LRCH2: variants seen among roughly 807,000 people sequenced by gnomAD.
LRCH2 encodes leucine-rich repeat and calponin homology domain-containing protein 2.
LRCH2 carries 38 observed loss-of-function variants against 68.9 expected under a neutral mutation model. The ratio of observed to expected loss-of-function variants is 0.55; its 90% CI spans 0.43 to 0.72. The LOEUF (loss-of-function observed/expected upper bound fraction) is 0.72. LRCH2 is among the 30% of genes least tolerant of loss of function. LRCH2 has a pLI of 0.00. For synonymous variants in LRCH2, 191 were observed against 208.1 expected, an observed-to-expected ratio of 0.92 and a Z score of 0.71; for missense variants, 528 against 572.9, an observed-to-expected ratio of 0.92 and a Z score of 0.80.
Position 115,122,418 on chromosome X carries a change from A to T in LRCH2, c.2178+109T>A, listed in dbSNP as rs183771631. On this transcript the variant is annotated intron_variant, in intron 20 of 20. Coordinates refer to ENST00000317135, the MANE Select transcript of LRCH2 (RefSeq NM_020871.4). ...TTAGGAGAAGGTACCAAGAGAAGGC[A>T]TTCATTTTCATGTTCAGAAAGCATT... 6.8e-4 allele frequency: 397 copies of T among 579,907 alleles called. 2 individuals carry two copies. In the East Asian group the frequency reaches 0.014, roughly 20 times the overall value. 47.8% of individuals were successfully genotyped at this position (579,907 alleles called of 1,213,427 possible).
At chrX:115,118,970 C>T (rs781814359) in intron 20 of LRCH2, among the ~76,000 whole-genome samples, 2 of 111,451 alleles carry the variant, frequency 1.8e-5, no homozygotes, top group African/African-American at 6.5e-5. Context: ...ATTCAACAAC[C>T]CTTCATGCTA....
chrX:115,180,527 C>CA lies in LRCH2; in HGVS notation c.622-777dup, dbSNP rs782293260. On this transcript the variant is annotated intron_variant, in intron 3 of 20. Transcript: ENST00000317135. ...CTCTTTCTTATAATAACATCAACAA[C>CA]AAAAAAAAGAGAAATCTACAACATG... is the stretch of plus-strand genomic sequence containing the variant. Among the ~76,000 whole-genome samples the CA allele has an allele frequency of 1.1e-4, 12 of 110,172 alleles. No individual in the cohort carries two copies. The East Asian group carries it at 1.4e-3, about 13-fold the overall frequency.
At chrX:115,176,104 A>G (rs1456806440) in intron 5 of LRCH2, among the ~76,000 whole-genome samples, 1 of 112,406 alleles carries the variant, frequency 8.9e-6, no homozygotes, top group East Asian at 2.8e-4. Context: ...TTTGGTGACC[A>G]GAAGTGAAGT....
At chrX:115,168,679 A>G (rs1471526049) in intron 6 of LRCH2, among the ~76,000 whole-genome samples, 3 of 110,990 alleles carry the variant, frequency 2.7e-5, no homozygotes, top group Non-Finnish European at 3.8e-5. Context: ...TTTCATCTGT[A>G]TTGCAATTAC....
intron 14 of LRCH2, among the ~76,000 whole-genome samples, chrX:115,132,333 T>C (rs1478313070): frequency 8.9e-6 from 1 of 111,891 alleles, no homozygotes. Flanking sequence ...ATTTATTAAA[T>C]AGGGAATCCT....
chrX:115,200,743 C>A (rs894403730), intron 1 of LRCH2, among the ~76,000 whole-genome samples: 1 of 110,795 alleles, frequency 9.0e-6, no homozygotes, highest in Admixed American at 9.7e-5. Flanking sequence ...GAATACCGCT[C>A]CTCCTGAAAC....
intron 1 of LRCH2, chrX:115,189,403 A>T: frequency 4.4e-6 from 5 of 1,138,724 alleles, no homozygotes; most frequent in Non-Finnish European, 5.8e-6. Flanking sequence ...CCGCGTCATC[A>T]CTTCCCACTT....
intron 1 of LRCH2, among the ~76,000 whole-genome samples, chrX:115,211,303 G>A (rs782578818): frequency 3.0e-4 from 34 of 111,623 alleles, no homozygotes; most frequent in Non-Finnish European, 5.5e-4. Flanking sequence ...ATGATAGTGA[G>A]TAAGTCTCAT....
At chrX:115,118,136 C>A (rs1210459438) in intron 20 of LRCH2, among the ~76,000 whole-genome samples, 3 of 109,830 alleles carry the variant, frequency 2.7e-5, no homozygotes, top group African/African-American at 9.9e-5. Context: ...GTCTAGAGCT[C>A]AGGAGTTCCA....
At chrX:115,232,300 T>C (rs1034265484) in intron 1 of LRCH2, among the ~76,000 whole-genome samples, 2 of 109,382 alleles carry the variant, frequency 1.8e-5, no homozygotes, top group East Asian at 5.7e-4. Flanking sequence ...ATCACTATAA[T>C]GATGCAGTCT....
At chrX:115,131,470 A>G (rs1179023180) in intron 14 of LRCH2, among the ~76,000 whole-genome samples, 2 of 111,326 alleles carry the variant, frequency 1.8e-5, no homozygotes, top group African/African-American at 6.5e-5. Context: ...ATTCCATGGA[A>G]TATATGTGCC....
At chrX:115,125,638 TAC>T (rs2072192284) in intron 16 of LRCH2, among the ~76,000 whole-genome samples, 2 of 88,421 alleles carry the variant, frequency 2.3e-5, no homozygotes, top group African/African-American at 8.8e-5. Context: ...TACATATATA[TAC>T]ATATATATAT....
At chrX:115,116,756 T>C (rs782092110) in intron 20 of LRCH2, among the ~76,000 whole-genome samples, 1 of 111,317 alleles carries the variant, frequency 9.0e-6, no homozygotes, top group East Asian at 2.8e-4. Context: ...ATCCATACTT[T>C]TTAACCACAT....
intron 1 of LRCH2, among the ~76,000 whole-genome samples, chrX:115,200,588 A>C (rs1311034888): frequency 9.0e-5 from 10 of 110,507 alleles, no homozygotes; most frequent in African/African-American, 3.0e-4. Context: ...AGGAAGAAAT[A>C]GAAAATCTAA....
In LRCH2 at chrX:115,156,608, T is replaced by C; in HGVS notation, c.1523A>G (p.Glu508Gly). The C allele has an allele frequency of 8.8e-7, 1 of 1,135,649 alleles. No individual in the cohort carries two copies. Among genetic ancestry groups the C allele is most frequent in the Non-Finnish European group, 1.2e-6 (1 of 853,777 alleles). The allele number at this position is 1,135,649 out of a possible 1,213,427, so 93.6% of individuals were successfully genotyped here. A position where few individuals can be genotyped will look rare whatever the true frequency, so the allele number is the denominator to read the frequency against. ...AACTAAGATATTTTTATACCTCTTT[T>C]CACATTCCACAGTTTGTTTTGGCTT... is the stretch of plus-strand genomic sequence containing the variant. Reference protein sequence around the residue: ...RNKPKQTVECEKSVSADEVNS... With the variant: ...RNKPKQTVECGKSVSADEVNS... Residue 508 changes from glutamate to glycine, a missense_variant, in exon 12 of 21, where the codon GAA becomes GGA. By Grantham distance (98) the Glu-to-Gly change is moderately conservative (BLOSUM62 -2). Coordinates refer to ENST00000317135, the MANE Select transcript of LRCH2 (RefSeq NM_020871.4).
chrX:115,191,835 C>G (rs2072830999), intron 1 of LRCH2: 1 of 1,153,819 alleles, frequency 8.7e-7, no homozygotes. Flanking sequence ...CACCCAATGC[C>G]TACAGCGGGG....
intron 1 of LRCH2, among the ~76,000 whole-genome samples, chrX:115,225,556 C>G (rs994525602): frequency 9.0e-6 from 1 of 111,731 alleles, no homozygotes; most frequent in African/African-American, 3.3e-5. Flanking sequence ...TATTCTTAAA[C>G]AGGACACAGA....
At chrX:115,146,507 C>T (rs781828703) in intron 14 of LRCH2, among the ~76,000 whole-genome samples, 2 of 109,979 alleles carry the variant, frequency 1.8e-5, no homozygotes, top group Non-Finnish European at 3.8e-5. Context: ...ACATTGTATG[C>T]CTTTCAAAAT....
chrX:115,194,382 T>C (rs1445791709), intron 1 of LRCH2, among the ~76,000 whole-genome samples: 1 of 112,144 alleles, frequency 8.9e-6, no homozygotes, highest in Non-Finnish European at 1.9e-5. Context: ...CACACAGTTC[T>C]ATTGGGGAAG....
Sources: gnomAD v4.1 joint callset for allele counts (sites outside exome capture counted in the v4.1 genomes callset) on GRCh38, gnomAD v4.1.1 for gene constraint, MANE v1.5 for transcripts, NCBI Gene and HGNC (gene_info 2026-07-23, HGNC 2026-07-21) for gene names.